PLEKHA5: variants seen among roughly 807,000 people sequenced by gnomAD.
The protein encoded by PLEKHA5 is pleckstrin homology domain-containing family A member 5.
In PLEKHA5, 55 loss-of-function variants were observed where a neutral mutation model predicts 181.9. The ratio of observed to expected loss-of-function variants is 0.30; its 90% CI spans 0.24 to 0.38. The LOEUF (loss-of-function observed/expected upper bound fraction) is 0.38. PLEKHA5 is among the 10% of genes least tolerant of loss of function. The probability of loss-of-function intolerance (pLI) is 1.00; values close to 1 mark genes in which losing one functional copy is unlikely to be tolerated. For synonymous variants in PLEKHA5, 535 were observed against 529.4 expected (o/e 1.01, Z -0.15); for missense variants, 1,432 against 1,549.5 (o/e 0.92, Z 1.27).
chr12:19,219,796 G>A (rs776606234), intron 3 of PLEKHA5, among the ~76,000 whole-genome samples: 2 of 152,002 alleles, frequency 1.3e-5, no homozygotes, highest in African/African-American at 2.4e-5. Context: ...ACTGATACAA[G>A]ATCTTTATAT....
At chr12:19,358,759 C>T (rs571195030) in intron 27 of PLEKHA5, among the ~76,000 whole-genome samples, 247 of 152,212 alleles carry the variant, frequency 1.6e-3, no homozygotes, top group Non-Finnish European at 2.8e-3. Flanking sequence ...ATGTAAAATG[C>T]TATGCAGGTT....
chr12:19,189,055 G>A (rs7962924), intron 3 of PLEKHA5, among the ~76,000 whole-genome samples: 17,627 of 152,138 alleles, frequency 0.12, 1,220 homozygotes, highest in East Asian at 0.3. Flanking sequence ...TGTTTAAATG[G>A]GTTGAACCTG....
intron 9 of PLEKHA5, 61 bp downstream of exon 9, chr12:19,269,946 A>C (rs2072059084): frequency 1.1e-6 from 1 of 892,502 alleles, no homozygotes; most frequent in African/African-American, 1.6e-5. Flanking sequence ...ATGCCTTGCA[A>C]GTATTTCACT....
chr12:19,231,338 C>T (rs942234096), intron 3 of PLEKHA5, among the ~76,000 whole-genome samples: 3 of 151,714 alleles, frequency 2.0e-5, no homozygotes, highest in African/African-American at 4.8e-5. Flanking sequence ...CTGTAGAAAA[C>T]GAGTTAGATT....
chr12:19,314,643 C>T (rs1336236521), intron 15 of PLEKHA5, 171 bp from the exon 16 acceptor site: 2 of 617,218 alleles, frequency 3.2e-6, no homozygotes, highest in East Asian at 3.0e-5. Context: ...GCGTTTAATA[C>T]TTGTTTGAAA....
At chr12:19,314,150 T>C (rs963541677) in intron 15 of PLEKHA5, among the ~76,000 whole-genome samples, 1 of 152,162 alleles carries the variant, frequency 6.6e-6, no homozygotes, top group African/African-American at 2.4e-5. Context: ...AAGTACAACA[T>C]AGCTGGAAAT....
At chr12:19,284,242 T>A (rs916681302) in intron 12 of PLEKHA5, among the ~76,000 whole-genome samples, 1 of 152,102 alleles carries the variant, frequency 6.6e-6, no homozygotes, top group African/African-American at 2.4e-5. Context: ...CTAATTTTTG[T>A]ATTTTTAGTA....
intron 3 of PLEKHA5, among the ~76,000 whole-genome samples, chr12:19,196,694 T>C (rs1438355921): frequency 6.6e-6 from 1 of 152,192 alleles, no homozygotes; most frequent in East Asian, 1.9e-4. Context: ...AAACAAAAGA[T>C]TATTAATGTA....
At chr12:19,248,379 G>T (rs1420297056) in intron 3 of PLEKHA5, among the ~76,000 whole-genome samples, 1 of 152,076 alleles carries the variant, frequency 6.6e-6, no homozygotes, top group Non-Finnish European at 1.5e-5. Flanking sequence ...TGTATTTTTA[G>T]TAGAGACAGG....
At chr12:19,366,245 G>A in intron 30 of PLEKHA5, 136 bp downstream of exon 30, 8 of 691,538 alleles carry the variant, frequency 1.2e-5, no homozygotes, top group South Asian at 1.8e-5. Flanking sequence ...GCCTCCCCAA[G>A]TGTACCTTCA....
Position 19,274,962 on chromosome 12 carries a change from G to T in PLEKHA5, c.1292G>T (p.Gly431Val). Residue 431 changes from glycine to valine, a missense_variant, in exon 11 of 32, where the codon GGT (glycine) becomes GTT (valine). By Grantham distance (109) the Gly-to-Val change is moderately radical. This residue lies in a region of PLEKHA5 where 1,143 missense variants were observed against 1,168.4 expected (regional missense o/e 0.98). Transcript: ENST00000429027. ...TGGATTAAAATCCAGAAGGGGAGGGGTCATGAAGAAGAAACCAGGGGGTAA... is the reference window on the plus strand; with the variant it reads ...TGGATTAAAATCCAGAAGGGGAGGGTTCATGAAGAAGAAACCAGGGGGTAA... ...EQWIKIQKGR[G>V]HEEETRGVIS... 6.2e-7 allele frequency: 1 copy of T among 1,608,718 alleles called. No homozygotes were observed. Among genetic ancestry groups the T allele is most frequent in the Non-Finnish European group, 8.5e-7 (1 of 1,179,132 alleles).
At chr12:19,296,003 A>C (rs1243138513) in intron 15 of PLEKHA5, among the ~76,000 whole-genome samples, 1 of 151,508 alleles carries the variant, frequency 6.6e-6, no homozygotes, top group East Asian at 2.0e-4. Flanking sequence ...AGGCCAAGGC[A>C]GGTGCATCAC....
intron 30 of PLEKHA5, among the ~76,000 whole-genome samples, chr12:19,368,215 G>A (rs915609507): frequency 6.6e-6 from 1 of 152,164 alleles, no homozygotes; most frequent in African/African-American, 2.4e-5. Context: ...TATGAGCTGG[G>A]TGCAGTGGCT....
rs1377339627 is a variant in PLEKHA5, at chr12:19,290,764, A to G, written c.1951A>G (p.Met651Val). Residue 651 changes from methionine to valine, a missense_variant, in exon 14 of 32, where the codon ATG becomes GTG. By Grantham distance (21) the Met-to-Val change is conservative. Coordinates refer to ENST00000429027, the MANE Select transcript of PLEKHA5 (RefSeq NM_001256470.2). ...SIREHTLAQL[M>V]QLKLEAHSPK... ...CCGGGAGCATACGTTAGCACAGCTC[A>G]TGCAGCTAAAGCTTGAGGCCCACAG... 2 of 1,535,190 alleles carry G rather than the reference A, an allele frequency of 1.3e-6. No homozygotes were observed. The highest frequency in any genetic ancestry group is 2.4e-5 in the East Asian group (1 of 40,892).
At chr12:19,205,273 T>G in intron 3 of PLEKHA5, 1 of 452,828 alleles carries the variant, frequency 2.2e-6, no homozygotes, top group Non-Finnish European at 2.9e-6. Flanking sequence ...TATGAAGTAC[T>G]TACTCTTGGA....
chr12:19,158,015 A>G (rs1465609004), intron 3 of PLEKHA5, among the ~76,000 whole-genome samples: 21 of 152,194 alleles, frequency 1.4e-4, no homozygotes, highest in Non-Finnish European at 8.8e-5. Context: ...AGCTATTGCC[A>G]TAAACTTGGA....
At chr12:19,300,456 A>G (rs752472533) in intron 15 of PLEKHA5, among the ~76,000 whole-genome samples, 32 of 152,216 alleles carry the variant, frequency 2.1e-4, no homozygotes, top group Non-Finnish European at 4.3e-4. Context: ...ACAAAATTAT[A>G]AAAGTAGCTC....
chr12:19,181,431 G>T (rs1004147206), intron 3 of PLEKHA5, among the ~76,000 whole-genome samples: 2 of 152,194 alleles, frequency 1.3e-5, no homozygotes, highest in Non-Finnish European at 2.9e-5. Flanking sequence ...AGTAAAAGGT[G>T]ATGCTGAAAA....
chr12:19,292,393 G>T (rs148996694), intron 15 of PLEKHA5, among the ~76,000 whole-genome samples: 1 of 152,118 alleles, frequency 6.6e-6, no homozygotes, highest in Non-Finnish European at 1.5e-5. Flanking sequence ...GGGCTACAGC[G>T]CAAGACTCTG....
Sources: gnomAD v4.1 joint callset for allele counts (sites outside exome capture counted in the v4.1 genomes callset) on GRCh38, gnomAD v4.1.1 for gene constraint, gnomAD v4.1.1 regional missense constraint, MANE v1.5 for transcripts, NCBI Gene and HGNC (gene_info 2026-07-23, HGNC 2026-07-21) for gene names.